ATG7: variants seen among roughly 807,000 people sequenced by gnomAD.
ATG7 encodes ubiquitin-like modifier-activating enzyme ATG7.
In ATG7, 70 loss-of-function variants were observed where a neutral mutation model predicts 82.4. The observed-to-expected ratio is 0.85, with a 90% confidence interval of 0.70 to 1.04. The LOEUF is 1.04. Ranked by LOEUF, ATG7 falls within the 50% of genes least tolerant of loss-of-function variation. ATG7 has a pLI of 0.00. For missense variants in ATG7, 792 were observed against 864.3 expected (o/e 0.92, Z 1.05); for synonymous variants, 287 against 313.0 (o/e 0.92, Z 0.88).
intron 19 of ATG7, among the ~76,000 whole-genome samples, chr3:11,417,145 T>C (rs2081438550): frequency 6.6e-6 from 1 of 152,232 alleles, no homozygotes; most frequent in Non-Finnish European, 1.5e-5. Context: ...GAATGTGTAT[T>C]CTGTGGTTGT....
chr3:11,564,791 GC>G, the ATG7 span: 1 of 1,538,430 alleles, frequency 6.5e-7, no homozygotes, highest in East Asian at 2.4e-5. Flanking sequence ...CCAGACAGAG[GC>G]CCACCTGCTG....
At chr3:11,564,798 T>C in the ATG7 span, 1 of 1,544,926 alleles carries the variant, frequency 6.5e-7, no homozygotes, top group Non-Finnish European at 8.7e-7. Context: ...GAGGCCCACC[T>C]GCTGCCGCTC....
the ATG7 span, among the ~76,000 whole-genome samples, chr3:11,569,185 C>T: frequency 2.0e-5 from 3 of 152,214 alleles, no homozygotes; most frequent in African/African-American, 7.2e-5. Flanking sequence ...CTCCAACAAA[C>T]GTGCTTTGGG....
intron 19 of ATG7, among the ~76,000 whole-genome samples, chr3:11,396,441 G>GA (rs909288340): frequency 1.1e-4 from 16 of 149,736 alleles, no homozygotes; most frequent in African/African-American, 2.7e-4. Flanking sequence ...TGTCCCAAAA[G>GA]AAAAAAAAAT....
At chr3:11,477,625 G>A (rs2088406544) in intron 20 of ATG7, among the ~76,000 whole-genome samples, 1 of 152,184 alleles carries the variant, frequency 6.6e-6, no homozygotes, top group South Asian at 2.1e-4. Flanking sequence ...GCCCTCCTGA[G>A]TTATTCAGAA....
chr3:11,432,717 T>C (rs1172572311), intron 20 of ATG7, among the ~76,000 whole-genome samples: 1 of 152,134 alleles, frequency 6.6e-6, no homozygotes, highest in Non-Finnish European at 1.5e-5. Flanking sequence ...ATTCTGCTCA[T>C]GGGGGATTAG....
At chr3:11,366,666 A>G (rs1378901605) in intron 18 of ATG7, among the ~76,000 whole-genome samples, 1 of 152,152 alleles carries the variant, frequency 6.6e-6, no homozygotes, top group African/African-American at 2.4e-5. Flanking sequence ...TCCTTCTTTA[A>G]GTCCTTTATG....
At chr3:11,572,982 A>G in the ATG7 span, among the ~76,000 whole-genome samples, 6 of 152,030 alleles carry the variant, frequency 3.9e-5, no homozygotes, top group African/African-American at 1.5e-4. Flanking sequence ...GGCCTGACCA[A>G]CATGGCGAAT....
chr3:11,397,687 C>T (rs1309662856), intron 19 of ATG7, among the ~76,000 whole-genome samples: 1 of 151,700 alleles, frequency 6.6e-6, no homozygotes, highest in East Asian at 2.0e-4. Context: ...GAACTCCTGA[C>T]CTCAAGTGAT....
intron 3 of ATG7, among the ~76,000 whole-genome samples, chr3:11,296,159 C>G (rs1945882090): frequency 6.6e-6 from 1 of 152,214 alleles, no homozygotes; most frequent in African/African-American, 2.4e-5. Flanking sequence ...TGAGTAACTT[C>G]TAAGAACTGA....
At chr3:11,538,974 T>C (rs1559815809) in intron 20 of ATG7, among the ~76,000 whole-genome samples, 2 of 152,046 alleles carry the variant, frequency 1.3e-5, no homozygotes, top group South Asian at 2.1e-4. Context: ...GAAGAGAGCA[T>C]GGAGAAGGGA....
chr3:11,428,779 C>T (rs943651528), intron 20 of ATG7, among the ~76,000 whole-genome samples: 3 of 152,174 alleles, frequency 2.0e-5, no homozygotes, highest in Non-Finnish European at 4.4e-5. Context: ...TGCCACCCAG[C>T]TAGAAGTAAC....
intron 19 of ATG7, among the ~76,000 whole-genome samples, chr3:11,421,653 C>T (rs1384706124): frequency 1.3e-5 from 2 of 152,140 alleles, no homozygotes; most frequent in African/African-American, 2.4e-5. Flanking sequence ...TTTTGACCTC[C>T]TTCCATGAAT....
At chr3:11,341,260 C>T (rs1039664809) in intron 12 of ATG7, among the ~76,000 whole-genome samples, 1 of 151,912 alleles carries the variant, frequency 6.6e-6, no homozygotes, top group African/African-American at 2.4e-5. Context: ...CAGGGTTTCA[C>T]TGTGTTGCCC....
intron 20 of ATG7, among the ~76,000 whole-genome samples, chr3:11,523,283 T>C (rs2092488695): frequency 6.6e-6 from 1 of 152,160 alleles, no homozygotes; most frequent in African/African-American, 2.4e-5. Context: ...GGAGGGGAAA[T>C]AGGGAACGTT....
At chr3:11,309,985 G>C (rs1948394572) in intron 7 of ATG7, among the ~76,000 whole-genome samples, 1 of 151,942 alleles carries the variant, frequency 6.6e-6, no homozygotes, top group South Asian at 2.1e-4. Context: ...ACCAGCCTGG[G>C]CAACACCTTG....
rs201210520 is a variant in ATG7, at chr3:11,502,045, T to C, written c.2080-52766T>C. 1.7e-3 allele frequency among the ~76,000 whole-genome samples: 173 copies of C among 101,838 alleles called. 1 individual carries two copies. The highest frequency in any genetic ancestry group is 5.6e-3 in the African/African-American group (154 of 27,288). The allele number at this position is 101,838 out of a possible 152,430, so 66.8% of individuals were successfully genotyped here. On this transcript the variant is annotated intron_variant, in intron 20 of 20. Coordinates refer to ENST00000693202, the MANE Select transcript of ATG7 (RefSeq NM_001349232.2). ...AAACATATATACACACATACACACA[T>C]ATGTTTATATATATGTTTGCTGTCA... is the stretch of plus-strand genomic sequence containing the variant.
At chr3:11,332,928 T>A (rs1559411846) in intron 10 of ATG7, 44 bp from the exon 11 acceptor site, 37 of 1,359,974 alleles carry the variant, frequency 2.7e-5, no homozygotes, top group South Asian at 1.2e-4. Flanking sequence ...TTCCTTCCTT[T>A]AAAAAAAAAT....
chr3:11,427,630 A>G (rs2082483473), intron 20 of ATG7, among the ~76,000 whole-genome samples: 1 of 151,954 alleles, frequency 6.6e-6, no homozygotes, highest in African/African-American at 2.4e-5. Flanking sequence ...AGCCTGGCCA[A>G]CATAGTGAAA....
Sources: gnomAD v4.1 joint callset for allele counts (sites outside exome capture counted in the v4.1 genomes callset) on GRCh38, gnomAD v4.1.1 for gene constraint, MANE v1.5 for transcripts, NCBI Gene and HGNC (gene_info 2026-07-23, HGNC 2026-07-21) for gene names.